RCC2: variants seen among roughly 807,000 people sequenced by gnomAD.
RCC2 encodes protein RCC2.
RCC2 carries 19 observed loss-of-function variants against 64.1 expected under a neutral mutation model. The ratio of observed to expected loss-of-function variants is 0.30; its 90% CI spans 0.21 to 0.44. The LOEUF (loss-of-function observed/expected upper bound fraction) is 0.44. Among genes scored for constraint, RCC2 ranks in the 20% least tolerant of loss-of-function variants. RCC2 has a pLI of 1.00. For missense variants in RCC2, 508 were observed against 710.4 expected (o/e 0.72, Z 3.24); for synonymous variants, 325 against 279.6 (o/e 1.16, Z -1.62).
At chr1:17,419,288 G>A (rs1375617195) in intron 7 of RCC2, among the ~76,000 whole-genome samples, 1 of 152,180 alleles carries the variant, frequency 6.6e-6, no homozygotes, top group Non-Finnish European at 1.5e-5. Context: ...GAACCAAGGA[G>A]GTGGAGGTTG....
In RCC2 at chr1:17,438,497, C is replaced by T. The variant is rs1375051751; in HGVS notation, c.18G>A (p.Ala6=). 4.5e-6 allele frequency: 6 copies of T among 1,345,902 alleles called. No individual in the cohort carries two copies. In the South Asian group the frequency reaches 6.4e-5, roughly 14 times the overall value. The allele number at this position is 1,345,902 out of a possible 1,614,324, so 83.4% of individuals were successfully genotyped here. ...TCGGCTCCTCCCAGGCCGCCGCCGC[C>T]GCCTTCTTCCTGGGCATGGTCGCGG... MPRKK[A]AAAAWEEPSS... The change falls in exon 2 of 13, where the codon GCG becomes GCA. Residue 6 remains alanine, a synonymous_variant. Transcript: ENST00000375436.
In RCC2 at chr1:17,416,489, A is replaced by G. The variant is rs2075486953; in HGVS notation, c.1017T>C (p.Ala339=). The G allele has an allele frequency of 1.2e-6, 2 of 1,610,246 alleles. No homozygotes were observed. Among genetic ancestry groups the G allele is most frequent in the Non-Finnish European group, 1.7e-6 (2 of 1,177,708 alleles). Residue 339 remains alanine (A), a synonymous_variant, in exon 8 of 13, where the codon GCT becomes GCC. Coordinates refer to ENST00000375436, the MANE Select transcript of RCC2 (RefSeq NM_018715.4). ...NVVVRDVACG[A]NHTLVLDSQK... The stretch of plus-strand genomic sequence containing the variant: ...AAAAGCCGAGCCTCACCGTGTGGTT[A>G]GCGCCACAGGCCACGTCTCGTACAA...
At chr1:17,422,967 C>CAAG (rs1205857616) in intron 4 of RCC2, 131 bp from the exon 5 acceptor site, 6 of 1,223,514 alleles carry the variant, frequency 4.9e-6, no homozygotes, top group Admixed American at 2.2e-5. Context: ...AAATTCCCAA[C>CAAG]AGCCAAGATC....
At chr1:17,423,486 C>A (rs1231311260) in intron 4 of RCC2, among the ~76,000 whole-genome samples, 1 of 152,346 alleles carries the variant, frequency 6.6e-6, no homozygotes, top group Non-Finnish European at 1.5e-5. Context: ...GCTGCAGGTG[C>A]GACCAAGGCC....
intron 11 of RCC2, among the ~76,000 whole-genome samples, chr1:17,410,446 T>G (rs1464018520): frequency 6.6e-6 from 1 of 152,064 alleles, no homozygotes; most frequent in African/African-American, 2.4e-5. Flanking sequence ...CCTTGATGCC[T>G]CCACCATCCA....
chr1:17,423,417 C>A (rs2075577370), intron 4 of RCC2, among the ~76,000 whole-genome samples: 1 of 152,216 alleles, frequency 6.6e-6, no homozygotes, highest in South Asian at 2.1e-4. Context: ...CACAGGAACC[C>A]TGGTGACAAA....
In RCC2 at chr1:17,407,638, A is replaced by G. The variant is rs1204316835; in HGVS notation, c.*1452T>C. On this transcript the variant is annotated 3_prime_UTR_variant, in exon 13 of 13. Coordinates refer to ENST00000375436, the MANE Select transcript of RCC2 (RefSeq NM_018715.4). ...GGAGCGACTGGGGTGGAAAATAGGG[A>G]AAAAAGCAACAACAACTACATCATT... 1 of 152,606 alleles carries G rather than the reference A, an allele frequency of 6.6e-6. No individual in the cohort carries two copies. 9.5% of individuals were successfully genotyped at this position (152,606 alleles called of 1,614,324 possible). A position where few individuals can be genotyped will look rare whatever the true frequency, so the allele number is the denominator to read the frequency against.
At chr1:17,412,758 G>C (rs370228124) in intron 10 of RCC2, among the ~76,000 whole-genome samples, 1 of 152,220 alleles carries the variant, frequency 6.6e-6, no homozygotes, top group Admixed American at 6.5e-5. Flanking sequence ...GTCCTGCTAC[G>C]TTTCCAACTA....
intron 2 of RCC2, among the ~76,000 whole-genome samples, chr1:17,436,224 C>G (rs1426167855): frequency 1.3e-5 from 2 of 152,180 alleles, no homozygotes; most frequent in Non-Finnish European, 2.9e-5. Context: ...ACATGCAACC[C>G]AACACAGGGC....
intron 12 of RCC2, 67 bp from the exon 13 acceptor site, chr1:17,409,261 C>G: frequency 9.8e-7 from 1 of 1,016,418 alleles, no homozygotes; most frequent in Admixed American, 1.7e-5. Flanking sequence ...TGAAGAGACT[C>G]TGGAAACTGG....
intron 2 of RCC2, among the ~76,000 whole-genome samples, chr1:17,434,717 G>C (rs1016391042): frequency 6.6e-6 from 1 of 152,220 alleles, no homozygotes; most frequent in Non-Finnish European, 1.5e-5. Flanking sequence ...GGTGGATAGT[G>C]TCAAGAGATG....
chr1:17,420,850 C>T, intron 6 of RCC2, 22 bp from the exon 7 acceptor site: 1 of 1,520,614 alleles, frequency 6.6e-7, no homozygotes. Flanking sequence ...AGAAAGGAGA[C>T]TTTCATTTTT....
At chr1:17,422,114 T>A (rs2075562462) in intron 6 of RCC2, 89 bp downstream of exon 6, 1 of 886,076 alleles carries the variant, frequency 1.1e-6, no homozygotes, top group East Asian at 2.6e-5. Flanking sequence ...AGGGGTAAAT[T>A]AACTCAAACG....
At chr1:17,426,210 C>G (rs2075614366) in intron 3 of RCC2, among the ~76,000 whole-genome samples, 1 of 152,122 alleles carries the variant, frequency 6.6e-6, no homozygotes, top group Admixed American at 6.5e-5. Flanking sequence ...CGGCCTTCAC[C>G]CTGGGCCAGA....
chr1:17,430,831 C>T (rs191395071), intron 2 of RCC2, among the ~76,000 whole-genome samples: 8 of 151,772 alleles, frequency 5.3e-5, no homozygotes, highest in African/African-American at 1.7e-4. Flanking sequence ...CGGGTTCAAA[C>T]GATTCTCTTG....
intron 2 of RCC2, among the ~76,000 whole-genome samples, chr1:17,430,344 T>C (rs1484534016): frequency 1.3e-5 from 2 of 151,430 alleles, no homozygotes; most frequent in African/African-American, 4.9e-5. Context: ...ACCTTGTCTC[T>C]ACAGAAAATA....
intron 3 of RCC2, 29 bp downstream of exon 3, chr1:17,429,077 A>G: frequency 6.4e-7 from 1 of 1,558,020 alleles, no homozygotes. Context: ...AGAAGCACTC[A>G]ATGGGTTTTT....
At position 17,408,873 on chromosome 1, in the gene RCC2, C is replaced by A. The variant is rs2075394535; in HGVS notation, c.*217G>T. 1 of 477,212 alleles carries A rather than the reference C, an allele frequency of 2.1e-6. No individual in the cohort carries two copies. Among genetic ancestry groups the A allele is most frequent in the East Asian group, 3.1e-5 (1 of 31,862 alleles). The allele number at this position is 477,212 out of a possible 1,614,324, so 29.6% of individuals were successfully genotyped here. On this transcript the variant is annotated 3_prime_UTR_variant, in exon 13 of 13. Coordinates refer to ENST00000375436, the MANE Select transcript of RCC2 (RefSeq NM_018715.4). ...TCAACTATGAGCAAGTATTTTAATT[C>A]AACATTAAGGGAAAAAAAAGGACTT...
At chr1:17,425,123 G>A (rs990433045) in intron 4 of RCC2, among the ~76,000 whole-genome samples, 1 of 152,164 alleles carries the variant, frequency 6.6e-6, no homozygotes, top group African/African-American at 2.4e-5. Context: ...TGAGGCGGGA[G>A]GTAGAAAAGC....
Sources: allele counts gnomAD v4.1 joint callset (sites outside exome capture counted in the v4.1 genomes callset), GRCh38; gene constraint gnomAD v4.1.1; transcripts MANE v1.5; gene names NCBI Gene and HGNC (gene_info 2026-07-23, HGNC 2026-07-21).